PCDHGB2: variants seen among roughly 807,000 people sequenced by gnomAD.
The protein encoded by PCDHGB2 is protocadherin gamma-B2.
In PCDHGB2, 55 loss-of-function variants were observed where a neutral mutation model predicts 59.3. The ratio of observed to expected loss-of-function variants is 0.93; its 90% confidence interval spans 0.75 to 1.16. The LOEUF (loss-of-function observed/expected upper bound fraction) is 1.16. Ranked by LOEUF, PCDHGB2 falls within the 50% of genes most tolerant of loss-of-function variation. PCDHGB2 has a pLI of 0.00. For synonymous variants in PCDHGB2, 516 were observed against 512.0 expected, an observed-to-expected ratio of 1.01 and a Z score of -0.11; for missense variants, 1,228 against 1,198.5, an observed-to-expected ratio of 1.02 and a Z score of -0.36.
chr5:141,372,131 G>A lies in PCDHGB2; in HGVS notation c.2421+9575G>A, dbSNP rs181587030. 4.2e-4 allele frequency: 682 copies of A among 1,613,644 alleles called. 9 individuals are homozygous for A. The East Asian group carries it at 8.2e-3, about 19-fold the overall frequency. On this transcript the variant is annotated intron_variant, in intron 1 of 3. Transcript: ENST00000522605. ...GCTCTGCGCTCTTCGATATGGTGCCGCGCTCTGCAGAGCCTGGCTACCTGG... is the reference window on the plus strand; with the variant it reads ...GCTCTGCGCTCTTCGATATGGTGCCACGCTCTGCAGAGCCTGGCTACCTGG...
At chr5:141,377,892 CT>C (rs946360367) in intron 1 of PCDHGB2, 2 of 152,170 alleles carry the variant, frequency 1.3e-5, no homozygotes, top group Non-Finnish European at 2.9e-5. Context: ...TAGGATCCCC[CT>C]CTGTTGCCCA....
At chr5:141,418,463 C>G in intron 1 of PCDHGB2, 1 of 1,613,944 alleles carries the variant, frequency 6.2e-7, no homozygotes, top group South Asian at 1.1e-5. Context: ...GACTCTGGAC[C>G]GAGAAACGCA....
At chr5:141,430,782 G>A (rs1220976669) in intron 1 of PCDHGB2, 2 of 1,510,858 alleles carry the variant, frequency 1.3e-6, no homozygotes, top group Non-Finnish European at 1.8e-6. Flanking sequence ...CGACTGCACC[G>A]GGACTACAAA....
chr5:141,365,591 A>C (rs1341115050), intron 1 of PCDHGB2: 1 of 1,613,546 alleles, frequency 6.2e-7, no homozygotes, highest in African/African-American at 1.3e-5. Context: ...TTATAATATC[A>C]CTTTAACCGT....
intron 1 of PCDHGB2, among the ~76,000 whole-genome samples, chr5:141,472,122 G>A (rs898092092): frequency 6.6e-6 from 1 of 152,176 alleles, no homozygotes; most frequent in African/African-American, 2.4e-5. Flanking sequence ...GAAAATAAAA[G>A]AGAAGTTAAA....
At chr5:141,468,783 G>T (rs908838744) in intron 1 of PCDHGB2, among the ~76,000 whole-genome samples, 5 of 151,346 alleles carry the variant, frequency 3.3e-5, no homozygotes, top group East Asian at 2.0e-4. Flanking sequence ...GGAGAATGGC[G>T]TGAACCCGGG....
intron 1 of PCDHGB2, among the ~76,000 whole-genome samples, chr5:141,452,579 A>G (rs1320327475): frequency 6.6e-6 from 1 of 151,944 alleles, no homozygotes; most frequent in Non-Finnish European, 1.5e-5. Context: ...CCCCCTTTCC[A>G]TCTTTGTATT....
intron 1 of PCDHGB2, chr5:141,408,319 G>T: frequency 6.2e-7 from 1 of 1,613,896 alleles, no homozygotes; most frequent in Non-Finnish European, 8.5e-7. Context: ...CGATTCCGGA[G>T]GAGCTGGCCA....
intron 2 of PCDHGB2, among the ~76,000 whole-genome samples, chr5:141,497,023 G>A (rs1271608156): frequency 1.3e-5 from 2 of 151,912 alleles, no homozygotes; most frequent in Non-Finnish European, 2.9e-5. Flanking sequence ...ACCCCATCTC[G>A]ATTAAAAATA....
intron 1 of PCDHGB2, among the ~76,000 whole-genome samples, chr5:141,457,687 G>A (rs2098927754): frequency 6.6e-6 from 1 of 152,198 alleles, no homozygotes; most frequent in Admixed American, 6.5e-5. Context: ...TAGGACTTTT[G>A]GATTGGCTTT....
At position 141,486,392 on chromosome 5, in the gene PCDHGB2, C is replaced by T; in HGVS notation, c.2422-8415C>T. ...GTCTGCCTTCAGGAACCAGTTCTCC[C>T]TGGTGACTGCTGGACCCTTGGATCG... On this transcript the variant is annotated intron_variant, in intron 1 of 3. Coordinates refer to ENST00000522605, the MANE Select transcript of PCDHGB2 (RefSeq NM_018923.3). The surrounding 1 kb of genome is among the most constrained non-coding windows in gnomAD (Gnocchi z 5.0). 1 of 1,614,170 alleles carries T rather than the reference C, an allele frequency of 6.2e-7. No individual in the cohort carries two copies. Among genetic ancestry groups the T allele is most frequent in the Non-Finnish European group, 8.5e-7 (1 of 1,180,014 alleles).
At chr5:141,383,625 C>T (rs754758092) in intron 1 of PCDHGB2, 32 of 1,613,930 alleles carry the variant, frequency 2.0e-5, no homozygotes, top group Non-Finnish European at 2.7e-5. Context: ...CGCCTGTCTT[C>T]TCTCTGCCTC....
rs1378140695 is a variant in PCDHGB2, at chr5:141,485,189, A to G, written c.2422-9618A>G. On this transcript the variant is annotated intron_variant, in intron 1 of 3. Transcript: ENST00000522605. The surrounding 1 kb of genome is among the most constrained non-coding windows in gnomAD (Gnocchi z 5.7). ...GGCGGCAGCAATGCTCCGCAAGGTGAGAAGCTGGACAGAAATCTGGCGGTG... is the reference window on the plus strand; with the variant it reads ...GGCGGCAGCAATGCTCCGCAAGGTGGGAAGCTGGACAGAAATCTGGCGGTG... 1 of 1,613,726 alleles carries G rather than the reference A, an allele frequency of 6.2e-7. No homozygotes were observed. The highest frequency in any genetic ancestry group is 1.7e-5 in the Admixed American group (1 of 60,020).
intron 1 of PCDHGB2, among the ~76,000 whole-genome samples, chr5:141,492,798 C>T (rs1219815576): frequency 6.6e-6 from 1 of 152,250 alleles, no homozygotes; most frequent in Non-Finnish European, 1.5e-5. Flanking sequence ...GACAGCAGGA[C>T]TGGGACTCCA....
intron 1 of PCDHGB2, chr5:141,423,700 G>A (rs753612385): frequency 7.5e-7 from 1 of 1,324,816 alleles, no homozygotes; most frequent in Non-Finnish European, 9.8e-7. Context: ...TTGGTGTCTT[G>A]GCACAAGTCT....
intron 1 of PCDHGB2, chr5:141,365,283 A>C: frequency 6.2e-7 from 1 of 1,614,010 alleles, no homozygotes; most frequent in East Asian, 2.2e-5. Context: ...TACCTCATGG[A>C]AGTGGTAGCT....
At chr5:141,403,136 C>G in intron 1 of PCDHGB2, 1 of 1,614,006 alleles carries the variant, frequency 6.2e-7, no homozygotes. Flanking sequence ...GCTGGCGGAG[C>G]GCCGAGTCCG....
At chr5:141,407,316 G>A (rs2094914682) in intron 1 of PCDHGB2, among the ~76,000 whole-genome samples, 1 of 152,094 alleles carries the variant, frequency 6.6e-6, no homozygotes, top group Non-Finnish European at 1.5e-5. Flanking sequence ...TTCATACTTA[G>A]TATTTATAAA....
At chr5:141,400,232 C>CT (rs1207022796) in intron 1 of PCDHGB2, 6 of 1,613,914 alleles carry the variant, frequency 3.7e-6, no homozygotes, top group African/African-American at 1.3e-5. Context: ...TTCCTCCTGG[C>CT]CGTGATTCTG....
Sources: allele counts gnomAD v4.1 joint callset (sites outside exome capture counted in the v4.1 genomes callset), GRCh38; gene constraint gnomAD v4.1.1; non-coding constraint Gnocchi (gnomAD v3.1); transcripts MANE v1.5; gene names NCBI Gene and HGNC (gene_info 2026-07-23, HGNC 2026-07-21).